The following RPTOR variants were observed in gnomAD, a reference collection of about 807,000 sequenced individuals.
RPTOR encodes the protein regulatory-associated protein of mTOR.
RPTOR carries 21 observed loss-of-function variants against 169.9 expected under a neutral mutation model. That is an observed-to-expected ratio of 0.12 (90% confidence interval 0.09 to 0.18). The LOEUF (loss-of-function observed/expected upper bound fraction) is 0.18. Ranked by LOEUF, RPTOR falls within the 10% of genes least tolerant of loss-of-function variation. The pLI is 1.00. For synonymous variants in RPTOR, 732 were observed against 753.2 expected (o/e 0.97, Z 0.46); for missense variants, 1,133 against 1,855.9 (o/e 0.61, Z 7.16).
intron 7 of RPTOR, among the ~76,000 whole-genome samples, chr17:80,821,642 T>C (rs1347087369): frequency 6.6e-6 from 1 of 152,178 alleles, no homozygotes; most frequent in Admixed American, 6.5e-5. Context: ...TAATGTGTGC[T>C]TGTTCATTTG....
At chr17:80,653,316 G>T (rs774264163) in intron 3 of RPTOR, among the ~76,000 whole-genome samples, 1 of 152,198 alleles carries the variant, frequency 6.6e-6, no homozygotes, top group African/African-American at 2.4e-5. Context: ...GCCAAGACAG[G>T]AGGATCCTTT....
intron 19 of RPTOR, 91 bp downstream of exon 19, chr17:80,892,960 T>C (rs1026531280): frequency 4.8e-6 from 7 of 1,466,906 alleles, no homozygotes; most frequent in Non-Finnish European, 6.5e-6. Context: ...ACTCTGCCCC[T>C]GCCCCTTCGT....
intron 20 of RPTOR, among the ~76,000 whole-genome samples, chr17:80,899,488 C>T (rs980111518): frequency 6.6e-6 from 1 of 152,252 alleles, no homozygotes; most frequent in African/African-American, 2.4e-5. Context: ...CCGGCCACAG[C>T]TCCTGTGAAT....
At chr17:80,872,049 A>G (rs543262242) in intron 13 of RPTOR, among the ~76,000 whole-genome samples, 1 of 152,330 alleles carries the variant, frequency 6.6e-6, no homozygotes, top group South Asian at 2.1e-4. Context: ...TTGATGGTCC[A>G]TGGAATTTCC....
chr17:80,784,872 T>G (rs960979656), intron 6 of RPTOR, among the ~76,000 whole-genome samples: 5 of 151,784 alleles, frequency 3.3e-5, no homozygotes, highest in African/African-American at 4.8e-5. Flanking sequence ...CTAATGCTGG[T>G]TTTTTTTGTT....
rs2067724694 is a variant in RPTOR, at chr17:80,845,964, A to G, written c.1213-509A>G. Among the ~76,000 whole-genome samples, 1 of 152,136 alleles carries G rather than the reference A, an allele frequency of 6.6e-6. No individual in the cohort carries two copies. The highest frequency in any genetic ancestry group is 2.4e-5 in the African/African-American group (1 of 41,408). ...CCACTGCCGGGCCCTCACCGGCCCC[A>G]GCGCGGCCCCAGCTCATCTCCTTGG... On this transcript the variant is annotated intron_variant, in intron 10 of 33. Coordinates refer to ENST00000306801, the MANE Select transcript of RPTOR (RefSeq NM_020761.3). The surrounding 1 kb of genome is among the most constrained non-coding windows in gnomAD (Gnocchi z 5.4).
chr17:80,883,693 G>A, intron 15 of RPTOR, 88 bp from the exon 16 acceptor site: 1 of 1,426,446 alleles, frequency 7.0e-7, no homozygotes, highest in South Asian at 1.2e-5. Context: ...CCCAAGAATG[G>A]GTGGCCACCG....
intron 4 of RPTOR, among the ~76,000 whole-genome samples, chr17:80,725,111 C>G (rs941904670): frequency 6.6e-6 from 1 of 152,210 alleles, no homozygotes; most frequent in East Asian, 1.9e-4. Flanking sequence ...CACCAGAAAT[C>G]CCTGAGATGT....
intron 28 of RPTOR, among the ~76,000 whole-genome samples, chr17:80,956,565 G>A (rs531841739): frequency 3.9e-5 from 6 of 152,372 alleles, no homozygotes; most frequent in African/African-American, 1.4e-4. Flanking sequence ...AGCTTTGATA[G>A]GGCCAAAAGG....
At position 80,614,010 on chromosome 17, in the gene RPTOR, C is replaced by T. The variant is rs140881937; in HGVS notation, c.163-11681C>T. ...TCCTGGTGTTGGTGGAAGGCCTCCC[C>T]GGCGACACTGCTGCACTCCACTGGG... is the stretch of plus-strand genomic sequence containing the variant. On this transcript the variant is annotated intron_variant, in intron 1 of 33. Coordinates refer to ENST00000306801, the MANE Select transcript of RPTOR (RefSeq NM_020761.3). 4.6e-3 allele frequency among the ~76,000 whole-genome samples: 696 copies of T among 152,332 alleles called. 7 individuals are homozygous for T. Among genetic ancestry groups the T allele is most frequent in the African/African-American group, 0.016 (652 of 41,566 alleles).
rs201086874 is a variant in RPTOR at position 80,622,756 on chromosome 17, T to C, written c.163-2935T>C. Among the ~76,000 whole-genome samples the C allele has an allele frequency of 6.6e-5, 10 of 152,040 alleles. No homozygotes were observed. In the East Asian group the frequency reaches 1.6e-3, roughly 24 times the overall value. On this transcript the variant is annotated intron_variant, in intron 1 of 33. Coordinates refer to ENST00000306801, the MANE Select transcript of RPTOR (RefSeq NM_020761.3). Reference sequence around the variant, plus strand: ...TCTCTACCAAAAATACAAATAAAATTAGCTGGGTGTGGTGGCACACCCTGT... The same window carrying C: ...TCTCTACCAAAAATACAAATAAAATCAGCTGGGTGTGGTGGCACACCCTGT...
intron 6 of RPTOR, among the ~76,000 whole-genome samples, chr17:80,771,146 C>T (rs951995966): frequency 6.6e-6 from 1 of 152,188 alleles, no homozygotes; most frequent in South Asian, 2.1e-4. Context: ...CTGGGGTCTG[C>T]GGCTGCCTCT....
At chr17:80,933,970 C>A (rs1411396363) in intron 24 of RPTOR, among the ~76,000 whole-genome samples, 1 of 151,756 alleles carries the variant, frequency 6.6e-6, no homozygotes, top group Non-Finnish European at 1.5e-5. Flanking sequence ...GAGATGGGGT[C>A]TCATTCTGTT....
In RPTOR at chr17:80,840,692, T is replaced by C. The variant is rs868031124; in HGVS notation, c.1212+2695T>C. Among the ~76,000 whole-genome samples the C allele has an allele frequency of 8.1e-4, 53 of 65,348 alleles. 2 individuals are homozygous for C. The South Asian group carries it at 0.029, about 35-fold the overall frequency. 42.9% of individuals were successfully genotyped at this position (65,348 alleles called of 152,430 possible). ...TCACTCTCACCACACGGCAGCTCAC[T>C]CTCACCACACGGCAGCTCACACCAC... is the stretch of plus-strand genomic sequence containing the variant. On this transcript the variant is annotated intron_variant, in intron 10 of 33. Coordinates refer to ENST00000306801, the MANE Select transcript of RPTOR (RefSeq NM_020761.3).
intron 13 of RPTOR, among the ~76,000 whole-genome samples, chr17:80,872,043 T>A (rs2068057771): frequency 6.6e-6 from 1 of 152,220 alleles, no homozygotes; most frequent in Non-Finnish European, 1.5e-5. Context: ...ATTGCCTTGA[T>A]GGTCCATGGA....
intron 3 of RPTOR, among the ~76,000 whole-genome samples, chr17:80,653,678 G>A (rs1051462606): frequency 2.0e-5 from 3 of 152,234 alleles, no homozygotes; most frequent in Admixed American, 1.3e-4. Flanking sequence ...CCCGGTCTCC[G>A]CCGTGCTGCG....
chr17:80,703,549 C>T (rs1412823267), intron 3 of RPTOR, among the ~76,000 whole-genome samples: 1 of 151,994 alleles, frequency 6.6e-6, no homozygotes, highest in Admixed American at 6.6e-5. Flanking sequence ...TGTGTGAGAC[C>T]CAGGAGGATC....
Position 80,707,719 on chromosome 17 carries a change from C to A in RPTOR, c.349-122C>A. 1.1e-6 allele frequency: 1 copy of A among 894,252 alleles called. No individual in the cohort carries two copies. Among genetic ancestry groups the A allele is most frequent in the African/African-American group, 1.7e-5 (1 of 59,614 alleles). 55.4% of individuals were successfully genotyped at this position (894,252 alleles called of 1,614,324 possible). On this transcript the variant is annotated intron_variant, in intron 3 of 33. Coordinates refer to ENST00000306801, the MANE Select transcript of RPTOR (RefSeq NM_020761.3). This position sits in a 1 kb window ranked among gnomAD's most constrained non-coding sequence, Gnocchi z 5.0. ...ACCTGGTTTTATAGATGGAGAAACT[C>A]AGAGCCATGTGTCCAGGACCACACA...
chr17:80,662,016 T>C (rs1458043500), intron 3 of RPTOR, among the ~76,000 whole-genome samples: 3 of 152,278 alleles, frequency 2.0e-5, no homozygotes, highest in Non-Finnish European at 4.4e-5. Flanking sequence ...GTTTTTCATA[T>C]GCCTTTCTAA....
Sources: gnomAD v4.1 joint callset for allele counts (sites outside exome capture counted in the v4.1 genomes callset) on GRCh38, gnomAD v4.1.1 for gene constraint, Gnocchi (gnomAD v3.1) non-coding constraint, MANE v1.5 for transcripts, NCBI Gene and HGNC (gene_info 2026-07-23, HGNC 2026-07-21) for gene names.